The following FBXW9 variants were observed in gnomAD, a reference collection of about 807,000 sequenced individuals.
FBXW9 encodes F-box/WD repeat-containing protein 9.
Under a neutral mutation model 55.8 loss-of-function variants are expected in FBXW9, and 38 were observed. That is an observed-to-expected ratio of 0.68 (90% CI 0.53 to 0.89). The LOEUF is 0.89. Among genes scored for constraint, FBXW9 ranks in the 40% least tolerant of loss-of-function variants. The pLI, the probability that FBXW9 is intolerant of heterozygous loss-of-function variation, is 0.00. For missense variants in FBXW9, 590 were observed against 619.4 expected (o/e 0.95, Z 0.50); for synonymous variants, 289 against 278.2 (o/e 1.04, Z -0.38).
chr19:12,695,036 C>T (rs1171950658), intron 1 of FBXW9, 98 bp from the exon 2 acceptor site: 1 of 1,399,346 alleles, frequency 7.1e-7, no homozygotes, highest in Non-Finnish European at 9.7e-7. Context: ...GCCCACACTA[C>T]ACCAGACTTG....
At chr19:12,691,946 G>A (rs2025014753) in intron 3 of FBXW9, among the ~76,000 whole-genome samples, 1 of 152,016 alleles carries the variant, frequency 6.6e-6, no homozygotes, top group Admixed American at 6.6e-5. Context: ...AGTAGAGACG[G>A]GGTTTCACCA....
At position 12,689,866 on chromosome 19, in the gene FBXW9, G is replaced by C; in HGVS notation, c.1041C>G (p.Ser347=). The C allele has an allele frequency of 6.2e-7, 1 of 1,614,026 alleles. No homozygotes were observed. The highest frequency in any genetic ancestry group is 8.5e-7 in the Non-Finnish European group (1 of 1,179,932). Residue 347 remains serine, a synonymous_variant, in exon 7 of 10, where the codon TCC becomes TCG. Transcript: ENST00000393261. The surrounding 1 kb of genome is among the most constrained non-coding windows in gnomAD (Gnocchi z 5.9). ...NSVLQRLQLD[S]YLLCMSYQEP... ...CCTGGTAGGACATGCAGAGCAGGTAGGAGTCCAGCTACGAGAGGGACAAGG... is the reference window on the plus strand; with the variant it reads ...CCTGGTAGGACATGCAGAGCAGGTACGAGTCCAGCTACGAGAGGGACAAGG...
rs769299171 is a variant in FBXW9 at position 12,696,450 on chromosome 19, C to T, written c.132G>A (p.Gly44=). Residue 44 remains glycine (G), a synonymous_variant, in exon 1 of 10, where the codon GGG becomes GGA. Coordinates refer to ENST00000393261, the MANE Select transcript of FBXW9 (RefSeq NM_032301.3). ...VARVLSPPKS[G]LAFSRPSQLS... ...GCTGCGAGGGGCGCGAGAACGCCAGCCCGGATTTTGGCGGACTGAGAACGC... is the reference window on the plus strand; with the variant it reads ...GCTGCGAGGGGCGCGAGAACGCCAGTCCGGATTTTGGCGGACTGAGAACGC... 6.8e-6 allele frequency: 11 copies of T among 1,612,508 alleles called. No individual in the cohort carries two copies. In the South Asian group the frequency reaches 1.1e-4, roughly 16 times the overall value.
At chr19:12,690,335 C>A (rs2145400719) in intron 5 of FBXW9, 1 of 685,934 alleles carries the variant, frequency 1.5e-6, no homozygotes, top group Non-Finnish European at 2.5e-6. Flanking sequence ...CATATCCCTC[C>A]TCCGATCCCA....
chr19:12,696,446 C>T lies in FBXW9; in HGVS notation c.136G>A (p.Ala46Thr). Residue 46 changes from alanine to threonine, a missense_variant, in exon 1 of 10, where the codon GCG becomes ACG. Physicochemically the swap from Ala to Thr is moderately conservative, Grantham distance 58. Coordinates refer to ENST00000393261, the MANE Select transcript of FBXW9 (RefSeq NM_032301.3). Reference sequence around the variant, plus strand: ...GATAGCTGCGAGGGGCGCGAGAACGCCAGCCCGGATTTTGGCGGACTGAGA... The same window carrying T: ...GATAGCTGCGAGGGGCGCGAGAACGTCAGCCCGGATTTTGGCGGACTGAGA... ...RVLSPPKSGLAFSRPSQLSTP... is the reference protein window; with the variant it reads ...RVLSPPKSGLTFSRPSQLSTP... The T allele has an allele frequency of 1.9e-6, 3 of 1,612,444 alleles. No homozygotes were observed. The highest frequency in any genetic ancestry group is 2.5e-6 in the Non-Finnish European group (3 of 1,179,870).
intron 1 of FBXW9, among the ~76,000 whole-genome samples, chr19:12,695,389 C>T (rs2025059903): frequency 6.6e-6 from 1 of 152,068 alleles, no homozygotes; most frequent in Non-Finnish European, 1.5e-5. Context: ...GAATGCAAGC[C>T]CCAGATGCAG....
In FBXW9 at chr19:12,689,878, C is replaced by T. The variant is rs138656867; in HGVS notation, c.1033-4G>A. ...TGCAGAGCAGGTAGGAGTCCAGCTA[C>T]GAGAGGGACAAGGGACGGGACAGCT... On this transcript the variant is annotated splice_polypyrimidine_tract_variant and splice_region_variant and intron_variant, in intron 6 of 9. Coordinates refer to ENST00000393261, the MANE Select transcript of FBXW9 (RefSeq NM_032301.3). This position sits in a 1 kb window ranked among gnomAD's most constrained non-coding sequence, Gnocchi z 5.9. The T allele has an allele frequency of 4.6e-4, 747 of 1,613,690 alleles. 10 individuals are homozygous for T. In the East Asian group the frequency reaches 0.013, roughly 29 times the overall value.
At position 12,693,588 on chromosome 19, in the gene FBXW9, ACACACACACACACAC is replaced by A. The variant is rs1568326363; in HGVS notation, c.678+991_678+1005del. Among the ~76,000 whole-genome samples the A allele has an allele frequency of 8.3e-5, 10 of 119,786 alleles. 1 individual carries two copies. Among genetic ancestry groups the A allele is most frequent in the African/African-American group, 4.4e-4 (10 of 22,530 alleles). 78.6% of individuals were successfully genotyped at this position (119,786 alleles called of 152,430 possible). ...CACACACACACACACACACACACAC[ACACACACACACACAC>A]ACACAAAAGAAATTAGCTGGGCATG... On this transcript the variant is annotated intron_variant, in intron 3 of 9. Coordinates refer to ENST00000393261, the MANE Select transcript of FBXW9 (RefSeq NM_032301.3).
At chr19:12,691,062 A>G in intron 5 of FBXW9, 104 bp downstream of exon 5, 1 of 985,076 alleles carries the variant, frequency 1.0e-6, no homozygotes, top group Non-Finnish European at 1.6e-6. Context: ...CTGAGTGGTG[A>G]GTATTTGGTT....
chr19:12,689,416 G>A lies in FBXW9; in HGVS notation c.1258C>T (p.Pro420Ser), dbSNP rs1285402181. ...TIRVHVPTDP[P>S]RTICTRRHDN... Reference sequence around the variant, plus strand: ...TGCCTTCGGGTGCAAATGGTCCTTGGTGGGTCTGTGGGCACGTGCACCTAG... The same window carrying A: ...TGCCTTCGGGTGCAAATGGTCCTTGATGGGTCTGTGGGCACGTGCACCTAG... Residue 420 changes from proline to serine, a missense_variant, in exon 9 of 10, where the codon CCA becomes TCA. Transcript: ENST00000393261. The surrounding 1 kb of genome is among the most constrained non-coding windows in gnomAD (Gnocchi z 5.9). 1 of 1,614,180 alleles carries A rather than the reference G, an allele frequency of 6.2e-7. No homozygotes were observed.
chr19:12,695,501 C>T (rs1392518918), intron 1 of FBXW9, among the ~76,000 whole-genome samples: 2 of 152,122 alleles, frequency 1.3e-5, no homozygotes, highest in Non-Finnish European at 2.9e-5. Context: ...TCACTGATCC[C>T]GGAGTGATCC....
In FBXW9 at chr19:12,688,943, T is replaced by G. The variant is rs2024961037; in HGVS notation, c.*273A>C. The G allele has an allele frequency of 1.6e-6, 1 of 620,498 alleles. No individual in the cohort carries two copies. The highest frequency in any genetic ancestry group is 1.6e-5 in the South Asian group (1 of 62,628). The allele number at this position is 620,498 out of a possible 1,614,324, so 38.4% of individuals were successfully genotyped here. A position where few individuals can be genotyped will look rare whatever the true frequency, so the allele number is the denominator to read the frequency against. On this transcript the variant is annotated 3_prime_UTR_variant, in exon 10 of 10. Coordinates refer to ENST00000393261, the MANE Select transcript of FBXW9 (RefSeq NM_032301.3). ...CAAGCACCAACATGTCAGGTTTATT[T>G]CTCCTTCGCTCTCAACTGAGAGCGG...
rs1280166735 is a variant in FBXW9, at chr19:12,689,906, G to A, written c.1033-32C>T. The A allele has an allele frequency of 6.2e-7, 1 of 1,612,626 alleles. No homozygotes were observed. The highest frequency in any genetic ancestry group is 1.7e-5 in the Admixed American group (1 of 59,992). On this transcript the variant is annotated intron_variant, in intron 6 of 9. Transcript: ENST00000393261. The surrounding 1 kb of genome is among the most constrained non-coding windows in gnomAD (Gnocchi z 5.9). ...GAGGGACAAGGGACGGGACAGCTCA[G>A]GCCGGGCTGGGCCTGCAACAGTCCC...
chr19:12,696,570 G>T lies in FBXW9; in HGVS notation c.12C>A (p.Pro4=). Residue 4 remains proline (P), a synonymous_variant, in exon 1 of 10, where the codon CCC becomes CCA. Transcript: ENST00000393261. ...TGCGGGAATCATCGCACCGCCCTAGGGGAAGCTCCATTGCGACCGGGTGGG... is the reference window on the plus strand; with the variant it reads ...TGCGGGAATCATCGCACCGCCCTAGTGGAAGCTCCATTGCGACCGGGTGGG... The part of the protein sequence containing the change: MEL[P]LGRCDDSRTW... The T allele has an allele frequency of 6.2e-7, 1 of 1,610,206 alleles. No homozygotes were observed.
rs776657017 is a variant in FBXW9, at chr19:12,690,046, A to T, written c.948T>A (p.Asp316Glu). ...CGCTGCCTGAGATGATGTGCCGGTC[A>T]TCCGCCAGCAGGGTCAGCACGGGTC... ...HSRPVLTLLADDRHIISGSED... is the reference protein window; with the variant it reads ...HSRPVLTLLAEDRHIISGSED... The change falls in exon 6 of 10, where the codon GAT (aspartate) becomes GAA (glutamate). Residue 316 changes from aspartate to glutamate, a missense_variant. Physicochemically the swap from Asp to Glu is conservative, Grantham distance 45. Transcript: ENST00000393261. The T allele has an allele frequency of 6.2e-6, 10 of 1,614,080 alleles. No homozygotes were observed. The highest frequency in any genetic ancestry group is 8.5e-6 in the Non-Finnish European group (10 of 1,180,028).
In FBXW9 at chr19:12,691,369, G is replaced by A. The variant is rs543920365; in HGVS notation, c.764C>T (p.Ala255Val). ...TATCTCGCCGAACTGCTGCCCATCC[G>A]CTGCCATGTCCCAGAGCTTCACTGT... is the stretch of plus-strand genomic sequence containing the variant. ...DSTVKLWDMA[A>V]DGQQFGEIKA... Residue 255 changes from alanine to valine, a missense_variant, in exon 4 of 10, where the codon GCG becomes GTG. By Grantham distance (64) the Ala-to-Val change is moderately conservative. Coordinates refer to ENST00000393261, the MANE Select transcript of FBXW9 (RefSeq NM_032301.3). The A allele has an allele frequency of 5.0e-6, 8 of 1,613,170 alleles. No individual in the cohort carries two copies. Among genetic ancestry groups the A allele is most frequent in the African/African-American group, 1.3e-5 (1 of 74,896 alleles).
In FBXW9 at chr19:12,690,115, A is replaced by T; in HGVS notation, c.884-5T>A. ...GCTTCAACAGGGCTGGGCCGGCTTC[A>T]TGGGTGATGGGCCGGTGAGGAGGGA... On this transcript the variant is annotated splice_polypyrimidine_tract_variant and splice_region_variant and intron_variant, in intron 5 of 9. Transcript: ENST00000393261. 6.2e-7 allele frequency: 1 copy of T among 1,613,570 alleles called. No homozygotes were observed. Among genetic ancestry groups the T allele is most frequent in the Non-Finnish European group, 8.5e-7 (1 of 1,179,986 alleles).
At position 12,689,620 on chromosome 19, in the gene FBXW9, A is replaced by C. The variant is rs1305659102; in HGVS notation, c.1157T>G (p.Val386Gly). 1 of 1,613,956 alleles carries C rather than the reference A, an allele frequency of 6.2e-7. No homozygotes were observed. Among genetic ancestry groups the C allele is most frequent in the African/African-American group, 1.3e-5 (1 of 74,892 alleles). The change falls in exon 8 of 10, where the codon GTG (valine) becomes GGG (glycine). Residue 386 changes from valine (V) to glycine (G), a missense_variant. Val to Gly is a moderately radical substitution (Grantham distance 109). Transcript: ENST00000393261. The surrounding 1 kb of genome is among the most constrained non-coding windows in gnomAD (Gnocchi z 5.9). Reference protein sequence around the residue: ...GCFQLIRSFDVGHSFPITGIQ... With the variant: ...GCFQLIRSFDGGHSFPITGIQ... ...CCCAGTGATGGGAAAGCTGTGGCCC[A>C]CATCAAAGGACTGCAGGAGGAGGAT...
In FBXW9 at chr19:12,696,454, G is replaced by A; in HGVS notation, c.128C>T (p.Ser43Phe). ...CGAGGGGCGCGAGAACGCCAGCCCG[G>A]ATTTTGGCGGACTGAGAACGCGGGC... ...YVARVLSPPK[S>F]GLAFSRPSQL... Residue 43 changes from serine to phenylalanine, a missense_variant, in exon 1 of 10, where the codon TCC becomes TTC. Ser to Phe is a radical substitution (Grantham distance 155). Coordinates refer to ENST00000393261, the MANE Select transcript of FBXW9 (RefSeq NM_032301.3). The A allele has an allele frequency of 6.2e-7, 1 of 1,612,588 alleles. No individual in the cohort carries two copies. Among genetic ancestry groups the A allele is most frequent in the East Asian group, 2.2e-5 (1 of 44,870 alleles).
Sources: gnomAD v4.1 joint callset for allele counts (sites outside exome capture counted in the v4.1 genomes callset) on GRCh38, gnomAD v4.1.1 for gene constraint, Gnocchi (gnomAD v3.1) non-coding constraint, MANE v1.5 for transcripts, NCBI Gene and HGNC (gene_info 2026-07-23, HGNC 2026-07-21) for gene names.